PRCP: variants seen among roughly 807,000 people sequenced by gnomAD.
The protein encoded by PRCP is prolylcarboxypeptidase.
A neutral mutation model predicts 54.2 loss-of-function variants in PRCP; 46 were observed. The observed-to-expected ratio is 0.85, with a 90% CI of 0.67 to 1.09. PRCP has a LOEUF of 1.09. Among genes scored for constraint, PRCP ranks in the 50% least tolerant of loss-of-function variants. The pLI, the probability that PRCP is intolerant of heterozygous loss-of-function variation, is 0.00. For missense variants in PRCP, 613 were observed against 596.8 expected (o/e 1.03, Z -0.28); for synonymous variants, 240 against 212.2 (o/e 1.13, Z -1.14).
At chr11:82,859,495 T>C (rs1232778360) in intron 2 of PRCP, among the ~76,000 whole-genome samples, 1 of 152,262 alleles carries the variant, frequency 6.6e-6, no homozygotes, top group Admixed American at 6.5e-5. Context: ...ATTCCCACCC[T>C]TGTTTTTACC....
Position 82,854,459 on chromosome 11 carries a change from A to G in PRCP, c.310-1181T>C, listed in dbSNP as rs201329470. 3.9e-5 allele frequency among the ~76,000 whole-genome samples: 6 copies of G among 152,350 alleles called. No individual in the cohort carries two copies. The East Asian group carries it at 1.2e-3, about 29-fold the overall frequency. On this transcript the variant is annotated intron_variant, in intron 2 of 8. Coordinates refer to ENST00000313010, the MANE Select transcript of PRCP (RefSeq NM_005040.4). ...ATACAGCTAACCAAGGAAGTGAATC[A>G]TCTCTACAATGAGAATTACAAACCA... is the stretch of plus-strand genomic sequence containing the variant.
At position 82,849,960 on chromosome 11, in the gene PRCP, C is replaced by G. The variant is rs150580514; in HGVS notation, c.705G>C (p.Glu235Asp). 6.5e-7 allele frequency: 1 copy of G among 1,539,240 alleles called. No individual in the cohort carries two copies. The highest frequency in any genetic ancestry group is 1.4e-5 in the African/African-American group (1 of 71,444). Residue 235 changes from glutamate to aspartate, a missense_variant, in exon 5 of 9, where the codon GAG becomes GAC. By Grantham distance (45) the Glu-to-Asp change is conservative. Coordinates refer to ENST00000313010, the MANE Select transcript of PRCP (RefSeq NM_005040.4). The part of the protein sequence containing the change: ...DFRKSGPHCS[E>D]SIHRSWDAIN... ...TGGCATCCCAGGACCTGTGGATGCTCTCTGAACAATGTGGACCGCTTTTCC... is the reference window on the plus strand; with the variant it reads ...TGGCATCCCAGGACCTGTGGATGCTGTCTGAACAATGTGGACCGCTTTTCC...
chr11:82,840,824 A>C (rs1272210781), intron 6 of PRCP: 1 of 151,908 alleles, frequency 6.6e-6, no homozygotes, highest in Non-Finnish European at 1.5e-5. Flanking sequence ...AGTCATCTTC[A>C]AGGTCACTCA....
chr11:82,848,263 C>A (rs929761490), intron 6 of PRCP, among the ~76,000 whole-genome samples: 4 of 152,142 alleles, frequency 2.6e-5, no homozygotes, highest in Non-Finnish European at 5.9e-5. Flanking sequence ...AAGGAAAGCT[C>A]TTTACAAAGA....
chr11:82,848,079 T>C (rs1273621961), intron 6 of PRCP, among the ~76,000 whole-genome samples: 2 of 152,238 alleles, frequency 1.3e-5, no homozygotes, highest in African/African-American at 4.8e-5. Context: ...TACAAATTTT[T>C]AAGCAAGGTA....
At chr11:82,869,305 A>G (rs139903731) in intron 1 of PRCP, among the ~76,000 whole-genome samples, 3,938 of 149,160 alleles carry the variant, frequency 0.026, 169 homozygotes, top group African/African-American at 0.09. Context: ...ACAGTGAACT[A>G]TGATCATGCC....
intron 3 of PRCP, 42 bp from the exon 4 acceptor site, chr11:82,850,547 T>G: frequency 5.7e-5 from 76 of 1,336,766 alleles, no homozygotes; most frequent in Non-Finnish European, 7.0e-5. Flanking sequence ...AATGTGCACA[T>G]AACAGCAGCT....
intron 6 of PRCP, 118 bp downstream of exon 6, chr11:82,848,931 T>G: frequency 9.5e-7 from 1 of 1,052,704 alleles, no homozygotes; most frequent in Non-Finnish European, 1.4e-6. Flanking sequence ...CAGCTCAAGT[T>G]TGACAAACTC....
Position 82,860,122 on chromosome 11 carries a change from G to A in PRCP, c.169-5C>T. 1 of 1,469,908 alleles carries A rather than the reference G, an allele frequency of 6.8e-7. No homozygotes were observed. Among genetic ancestry groups the A allele is most frequent in the East Asian group, 2.6e-5 (1 of 39,028 alleles). The allele number at this position is 1,469,908 out of a possible 1,614,324, so 91.1% of individuals were successfully genotyped here. The stretch of plus-strand genomic sequence containing the variant: ...ATTAAATCCAAAATGATCAACCTGT[G>A]ATAAAAACAAAACAAAACATATTTC... On this transcript the variant is annotated splice_polypyrimidine_tract_variant and splice_region_variant and intron_variant, in intron 1 of 8. Coordinates refer to ENST00000313010, the MANE Select transcript of PRCP (RefSeq NM_005040.4).
At chr11:82,847,767 G>T (rs1287580974) in intron 6 of PRCP, among the ~76,000 whole-genome samples, 1 of 151,916 alleles carries the variant, frequency 6.6e-6, no homozygotes, top group South Asian at 2.1e-4. Context: ...TAATTTTTTT[G>T]ATTTTTAGTA....
chr11:82,831,098 G>A (rs185079436), intron 8 of PRCP: 39 of 149,074 alleles, frequency 2.6e-4, no homozygotes, highest in African/African-American at 9.6e-4. Context: ...GGATCTAGAT[G>A]CCTGGGTAAA....
At chr11:82,892,992 A>G (rs1450801004) in intron 1 of PRCP, among the ~76,000 whole-genome samples, 1 of 152,186 alleles carries the variant, frequency 6.6e-6, no homozygotes, top group Non-Finnish European at 1.5e-5. Context: ...TGGGTAAGTG[A>G]CTGATTGAGT....
chr11:82,852,101 T>G (rs1858973107), intron 3 of PRCP, among the ~76,000 whole-genome samples: 1 of 152,202 alleles, frequency 6.6e-6, no homozygotes, highest in Non-Finnish European at 1.5e-5. Flanking sequence ...GGAAGTTATG[T>G]TCTATCTACA....
At chr11:82,830,084 A>T (rs1332324054) in intron 8 of PRCP, 1 of 152,212 alleles carries the variant, frequency 6.6e-6, no homozygotes, top group Non-Finnish European at 1.5e-5. Flanking sequence ...AATGTTTTTT[A>T]AGAAAGATAG....
chr11:82,824,373 C>T lies in PRCP; in HGVS notation c.*533G>A, dbSNP rs1470287323. The T allele has an allele frequency of 6.3e-6, 1 of 158,006 alleles. No individual in the cohort carries two copies. The highest frequency in any genetic ancestry group is 1.9e-4 in the East Asian group (1 of 5,352). The allele number at this position is 158,006 out of a possible 1,614,324, so 9.8% of individuals were successfully genotyped here. On this transcript the variant is annotated 3_prime_UTR_variant, in exon 9 of 9. Transcript: ENST00000313010. ...CAGAAGCAACACACAGGTATAAGGT[C>T]CAGCTGTATTATTTATTTACAGCAC...
chr11:82,839,487 A>G lies in PRCP; in HGVS notation c.922-62T>C, dbSNP rs559625394. The G allele has an allele frequency of 1.7e-5, 25 of 1,477,424 alleles. No individual in the cohort carries two copies. The Admixed American group carries it at 2.2e-4, about 13-fold the overall frequency. 91.5% of individuals were successfully genotyped at this position (1,477,424 alleles called of 1,614,324 possible). ...AATATGAATATAAAATGACAGTTTA[A>G]TAACACAAAGAAGAAATATGATTTT... On this transcript the variant is annotated intron_variant, in intron 6 of 8. Transcript: ENST00000313010.
rs758569782 is a variant in PRCP, at chr11:82,848,885, G to A, written c.921+164C>T. On this transcript the variant is annotated intron_variant, in intron 6 of 8. Transcript: ENST00000313010. ...CAGAAAAGCTAGGTAACATGTCCAA[G>A]CCCACATAATCAGAAAGTAGCAGAA... Among the ~76,000 whole-genome samples the A allele has an allele frequency of 8.5e-5, 13 of 152,088 alleles. No homozygotes were observed. The South Asian group carries it at 1.2e-3, about 15-fold the overall frequency.
At chr11:82,841,095 A>C (rs1591041860) in intron 6 of PRCP, among the ~76,000 whole-genome samples, 1 of 151,260 alleles carries the variant, frequency 6.6e-6, no homozygotes, top group African/African-American at 2.4e-5. Flanking sequence ...CCAGAGAAGA[A>C]GCCAGGAAAG....
chr11:82,846,870 A>C (rs1858818995), intron 6 of PRCP, among the ~76,000 whole-genome samples: 1 of 152,220 alleles, frequency 6.6e-6, no homozygotes, highest in African/African-American at 2.4e-5. Flanking sequence ...ATTGTGGTAC[A>C]CCAACTAACA....
Sources: gnomAD v4.1 joint callset for allele counts (sites outside exome capture counted in the v4.1 genomes callset) on GRCh38, gnomAD v4.1.1 for gene constraint, MANE v1.5 for transcripts, NCBI Gene and HGNC (gene_info 2026-07-23, HGNC 2026-07-21) for gene names.